The following LRRC45 variants were observed in gnomAD, a reference collection of about 807,000 sequenced individuals.
LRRC45 encodes the protein leucine rich repeat containing 45.
LRRC45 carries 73 observed loss-of-function variants against 85.4 expected under a neutral mutation model. The observed-to-expected ratio is 0.85, with a 90% CI of 0.71 to 1.04. The LOEUF (loss-of-function observed/expected upper bound fraction) is 1.04, where lower values mean the gene tolerates loss of function less well. LRRC45 is among the 50% of genes least tolerant of loss of function. The pLI, the probability that LRRC45 is intolerant of heterozygous loss-of-function variation, is 0.00. For missense variants in LRRC45, 937 were observed against 883.3 expected, an observed-to-expected ratio of 1.06 and a Z score of -0.77; for synonymous variants, 429 against 386.0, an observed-to-expected ratio of 1.11 and a Z score of -1.31.
intron 6 of LRRC45, among the ~76,000 whole-genome samples, 187 bp from the exon 7 acceptor site, chr17:82,027,199 G>C (rs1194491862): frequency 6.6e-6 from 1 of 152,234 alleles, no homozygotes; most frequent in Admixed American, 6.5e-5. Context: ...TCCTTGGGGA[G>C]CTGGCGTCTG....
At chr17:82,029,282 T>C in intron 13 of LRRC45, 97 bp downstream of exon 13, 1 of 1,244,760 alleles carries the variant, frequency 8.0e-7, no homozygotes. Context: ...AGAGACCTCT[T>C]CCTGTTCCCA....
In LRRC45 at chr17:82,023,462, G is replaced by A. The variant is rs571103754; in HGVS notation, c.-182G>A. 117 of 583,202 alleles carry A rather than the reference G, an allele frequency of 2.0e-4. 1 individual carries two copies. In the South Asian group the frequency reaches 2.5e-3, roughly 12 times the overall value. The allele number at this position is 583,202 out of a possible 1,614,324, so 36.1% of individuals were successfully genotyped here. On this transcript the variant is annotated 5_prime_UTR_variant, in exon 1 of 17. Coordinates refer to ENST00000306688, the MANE Select transcript of LRRC45 (RefSeq NM_144999.4). ...GGGGCCCCAGCCCAAAGCGGACCTT[G>A]ACTACCGCCCAGCCCCGCGCTCCCA...
rs981617453 is a variant in LRRC45, at chr17:82,030,378, G to T, written c.1728G>T (p.Leu576=). ...VAEVSRVRVE[L]QEQNGRLQAE... ...AGGTGAGCAGGGTGCGCGTGGAGCT[G>T]CAGGAGCAGAACGGCCGGCTGCAGG... Residue 576 remains leucine (L), a synonymous_variant, in exon 16 of 17, where the codon CTG becomes CTT. Coordinates refer to ENST00000306688, the MANE Select transcript of LRRC45 (RefSeq NM_144999.4). The T allele has an allele frequency of 1.5e-5, 24 of 1,549,990 alleles. No homozygotes were observed. Among genetic ancestry groups the T allele is most frequent in the Non-Finnish European group, 2.1e-5 (24 of 1,146,914 alleles).
Position 82,028,677 on chromosome 17 carries a change from C to T in LRRC45, c.1302C>T (p.Ile434=). 1 of 1,612,194 alleles carries T rather than the reference C, an allele frequency of 6.2e-7. No individual in the cohort carries two copies. The highest frequency in any genetic ancestry group is 1.3e-5 in the African/African-American group (1 of 75,036). Residue 434 remains isoleucine (I), a synonymous_variant, in exon 12 of 17, where the codon ATC becomes ATT. Coordinates refer to ENST00000306688, the MANE Select transcript of LRRC45 (RefSeq NM_144999.4). ...TGGAGGACTCCGAAAGCCTGCGCAT[C>T]AAGGAGGTGCCCTCTTCGTTGGCCT... ...QSLEDSESLR[I]KEVEHMTRHL...
chr17:82,031,060 C>T lies in LRRC45; in HGVS notation c.*255C>T. 1 of 386,438 alleles carries T rather than the reference C, an allele frequency of 2.6e-6. No individual in the cohort carries two copies. The highest frequency in any genetic ancestry group is 4.6e-6 in the Non-Finnish European group (1 of 218,436). The allele number at this position is 386,438 out of a possible 1,614,324, so 23.9% of individuals were successfully genotyped here. A position where few individuals can be genotyped will look rare whatever the true frequency, so the allele number is the denominator to read the frequency against. On this transcript the variant is annotated 3_prime_UTR_variant, in exon 17 of 17. Transcript: ENST00000306688. ...CCGGGAAGGGGTCCCGCGGGCGCGT[C>T]TCCCCCTCGCCTTTTGCGATGTCAC...
chr17:82,024,264 C>T lies in LRRC45; in HGVS notation c.221-14C>T, dbSNP rs539486708. The T allele has an allele frequency of 1.9e-6, 3 of 1,610,758 alleles. No homozygotes were observed. The highest frequency in any genetic ancestry group is 1.3e-5 in the African/African-American group (1 of 75,040). ...AGCAGGGGCAGAGAGTGACCGCCGG[C>T]CCCCCTTACACAGGGGCCACACTGC... On this transcript the variant is annotated splice_polypyrimidine_tract_variant and intron_variant, in intron 1 of 16. Coordinates refer to ENST00000306688, the MANE Select transcript of LRRC45 (RefSeq NM_144999.4).
At chr17:82,024,016 G>T in intron 1 of LRRC45, 153 bp downstream of exon 1, 1 of 751,798 alleles carries the variant, frequency 1.3e-6, no homozygotes, top group Middle Eastern at 3.9e-4. Flanking sequence ...GGAGTAGAGG[G>T]CAGTTCCTCT....
chr17:82,029,246 C>T lies in LRRC45; in HGVS notation c.1401+61C>T, dbSNP rs1302660441. ...AGTCCTGGGCTGAACAAGGCAGGGGCCCCTGGTGTTCGCCGCCTCAGGACC... is the reference window on the plus strand; with the variant it reads ...AGTCCTGGGCTGAACAAGGCAGGGGTCCCTGGTGTTCGCCGCCTCAGGACC... On this transcript the variant is annotated intron_variant, in intron 13 of 16. Coordinates refer to ENST00000306688, the MANE Select transcript of LRRC45 (RefSeq NM_144999.4). 5 of 1,508,472 alleles carry T rather than the reference C, an allele frequency of 3.3e-6. No homozygotes were observed. In the African/African-American group the frequency reaches 5.5e-5, roughly 17 times the overall value. The allele number at this position is 1,508,472 out of a possible 1,614,324, so 93.4% of individuals were successfully genotyped here. A position where few individuals can be genotyped will look rare whatever the true frequency, so the allele number is the denominator to read the frequency against.
At chr17:82,024,866 T>C (rs2043353410) in intron 3 of LRRC45, 103 bp downstream of exon 3, 11 of 1,444,602 alleles carry the variant, frequency 7.6e-6, no homozygotes, top group Admixed American at 2.7e-5. Context: ...CAGGTGCCCA[T>C]GTTTCACATA....
Position 82,030,823 on chromosome 17 carries a change from C to G in LRRC45, c.*18C>G, listed in dbSNP as rs535394456. ...CAAAGTGAGACAGGCCGGGAGGACC[C>G]GGGCGCAGTAGGAGTGCATCAGGCG... On this transcript the variant is annotated 3_prime_UTR_variant, in exon 17 of 17. Coordinates refer to ENST00000306688, the MANE Select transcript of LRRC45 (RefSeq NM_144999.4). The G allele has an allele frequency of 2.3e-6, 3 of 1,330,334 alleles. No individual in the cohort carries two copies. In the African/African-American group the frequency reaches 4.5e-5, roughly 20 times the overall value. 82.4% of individuals were successfully genotyped at this position (1,330,334 alleles called of 1,614,324 possible). A position where few individuals can be genotyped will look rare whatever the true frequency, so the allele number is the denominator to read the frequency against.
chr17:82,030,813 C>T lies in LRRC45; in HGVS notation c.*8C>T, dbSNP rs1171033255. ...CTGAGCCCCCCAAAGTGAGACAGGCCGGGAGGACCCGGGCGCAGTAGGAGT... is the reference window on the plus strand; with the variant it reads ...CTGAGCCCCCCAAAGTGAGACAGGCTGGGAGGACCCGGGCGCAGTAGGAGT... On this transcript the variant is annotated 3_prime_UTR_variant, in exon 17 of 17. Coordinates refer to ENST00000306688, the MANE Select transcript of LRRC45 (RefSeq NM_144999.4). The T allele has an allele frequency of 1.5e-6, 2 of 1,336,876 alleles. No homozygotes were observed. The highest frequency in any genetic ancestry group is 1.9e-6 in the Non-Finnish European group (2 of 1,030,776). The allele number at this position is 1,336,876 out of a possible 1,614,324, so 82.8% of individuals were successfully genotyped here.
intron 7 of LRRC45, 69 bp from the exon 8 acceptor site, chr17:82,027,605 C>G (rs185707563): frequency 1.9e-6 from 3 of 1,549,174 alleles, no homozygotes; most frequent in East Asian, 2.3e-5. Flanking sequence ...CAGCAGCTAC[C>G]GAGGCCAGAG....
intron 5 of LRRC45, 41 bp downstream of exon 5, chr17:82,025,548 A>G: frequency 6.7e-7 from 1 of 1,489,122 alleles, no homozygotes; most frequent in Non-Finnish European, 9.0e-7. Context: ...TGAGCCTTTG[A>G]CAGAGGCCTG....
At chr17:82,029,770 C>A in intron 14 of LRRC45, 135 bp downstream of exon 14, 2 of 896,578 alleles carry the variant, frequency 2.2e-6, no homozygotes, top group Non-Finnish European at 3.5e-6. Context: ...ACACCCTGGA[C>A]ACTGGTGGGT....
At chr17:82,028,869 C>A in intron 12 of LRRC45, 186 bp downstream of exon 12, 1 of 768,700 alleles carries the variant, frequency 1.3e-6, no homozygotes, top group Non-Finnish European at 2.1e-6. Flanking sequence ...GGGACCCCGG[C>A]AATGTCTGAG....
In LRRC45 at chr17:82,027,447, G is replaced by A; in HGVS notation, c.833+3G>A. ...GAAGAGATGGCCAAGAGCAGCAGGTGAGCGGGCCCAGGGCAGGGGCAGGGT... is the reference window on the plus strand; with the variant it reads ...GAAGAGATGGCCAAGAGCAGCAGGTAAGCGGGCCCAGGGCAGGGGCAGGGT... On this transcript the variant is annotated splice_donor_region_variant and intron_variant, in intron 7 of 16. Transcript: ENST00000306688. 6.2e-7 allele frequency: 1 copy of A among 1,612,724 alleles called. No individual in the cohort carries two copies. The highest frequency in any genetic ancestry group is 8.5e-7 in the Non-Finnish European group (1 of 1,179,966).
At chr17:82,030,277 C>T (rs922207569) in intron 15 of LRRC45, 39 bp downstream of exon 15, 41 of 1,540,518 alleles carry the variant, frequency 2.7e-5, no homozygotes, top group Non-Finnish European at 3.3e-5. Flanking sequence ...GGCGTGCTAG[C>T]CCCCAACCCT....
In LRRC45 at chr17:82,030,163, C is replaced by T. The variant is rs1424505645; in HGVS notation, c.1593C>T (p.Ala531=). The T allele has an allele frequency of 1.3e-6, 2 of 1,546,890 alleles. No individual in the cohort carries two copies. Among genetic ancestry groups the T allele is most frequent in the Non-Finnish European group, 8.7e-7 (1 of 1,145,768 alleles). The stretch of plus-strand genomic sequence containing the variant: ...GCCTACAGCAGAAGCAGGTGGTGGC[C>T]GAGGCCCAGACCCGGGTCAGCCAGC... ...GACLQQKQVV[A]EAQTRVSQLG... The change falls in exon 15 of 17, where the codon GCC becomes GCT. Residue 531 remains alanine (A), a synonymous_variant. Transcript: ENST00000306688.
Position 82,028,277 on chromosome 17 carries a change from C to T in LRRC45, c.1091C>T (p.Ala364Val). The T allele has an allele frequency of 6.3e-7, 1 of 1,584,182 alleles. No homozygotes were observed. Among genetic ancestry groups the T allele is most frequent in the Non-Finnish European group, 8.6e-7 (1 of 1,165,410 alleles). ...RESKLLRDLS[A>V]ANEKNLLLQN... is the part of the protein sequence containing the mutation. Reference sequence around the variant, plus strand: ...TCTAAACTCCTCAGAGACTTGTCTGCTGCCAATGAAAAGAACCTGCTTCTG... The same window carrying T: ...TCTAAACTCCTCAGAGACTTGTCTGTTGCCAATGAAAAGAACCTGCTTCTG... The change falls in exon 10 of 17, where the codon GCT becomes GTT. Residue 364 changes from alanine (A) to valine (V), a missense_variant. Physicochemically the swap from Ala to Val is moderately conservative, Grantham distance 64. Transcript: ENST00000306688.
Sources: gnomAD v4.1 joint callset for allele counts (sites outside exome capture counted in the v4.1 genomes callset) on GRCh38, gnomAD v4.1.1 for gene constraint, MANE v1.5 for transcripts, NCBI Gene and HGNC (gene_info 2026-07-23, HGNC 2026-07-21) for gene names.